Variants in SLC25A21 observed in about 807,000 individuals in gnomAD.
SLC25A21 encodes mitochondrial 2-oxodicarboxylate carrier.
A neutral mutation model predicts 43.8 loss-of-function variants in SLC25A21; 47 were observed. That is an observed-to-expected ratio of 1.07 (90% CI 0.85 to 1.37). SLC25A21 has a LOEUF of 1.37. Among genes scored for constraint, SLC25A21 ranks in the 40% most tolerant of loss-of-function variants. The pLI is 0.00. For missense variants in SLC25A21, 352 were observed against 350.2 expected, an observed-to-expected ratio of 1.00 and a Z score of -0.04; for synonymous variants, 131 against 121.3, an observed-to-expected ratio of 1.08 and a Z score of -0.52.
At chr14:37,055,612 G>T (rs1961807549) in intron 1 of SLC25A21, among the ~76,000 whole-genome samples, 1 of 152,126 alleles carries the variant, frequency 6.6e-6, no homozygotes, top group African/African-American at 2.4e-5. Context: ...CTACCCCAAG[G>T]TGTCTATGTT....
intron 3 of SLC25A21, among the ~76,000 whole-genome samples, chr14:36,813,469 C>T (rs189240247): frequency 2.0e-3 from 303 of 152,176 alleles, no homozygotes; most frequent in African/African-American, 7.1e-3. Context: ...AAGCAATCCT[C>T]CCACCTAAGC....
intron 1 of SLC25A21, among the ~76,000 whole-genome samples, chr14:37,150,215 C>T (rs566243408): frequency 6.6e-6 from 1 of 152,046 alleles, no homozygotes; most frequent in Non-Finnish European, 1.5e-5. Flanking sequence ...ATAATACATA[C>T]CCTAGCCCTA....
chr14:37,037,409 A>G (rs530188196), intron 1 of SLC25A21, among the ~76,000 whole-genome samples: 2 of 152,222 alleles, frequency 1.3e-5, no homozygotes, highest in African/African-American at 4.8e-5. Flanking sequence ...CATTCTTTCA[A>G]CTTGATTCTG....
chr14:36,813,685 T>G (rs1194714158), intron 3 of SLC25A21, among the ~76,000 whole-genome samples: 1 of 152,238 alleles, frequency 6.6e-6, no homozygotes, highest in African/African-American at 2.4e-5. Flanking sequence ...CCTAGTGGCA[T>G]AAATTAAGAT....
chr14:36,698,977 C>T (rs931440579), intron 7 of SLC25A21, among the ~76,000 whole-genome samples: 1 of 152,120 alleles, frequency 6.6e-6, no homozygotes, highest in African/African-American at 2.4e-5. Flanking sequence ...CAAGGAGCTG[C>T]GATCTTTTGG....
Position 36,977,957 on chromosome 14 carries a change from A to ATT in SLC25A21, c.71-102954_71-102953insAA, listed in dbSNP as rs1566786694. 4.0e-3 allele frequency among the ~76,000 whole-genome samples: 577 copies of ATT among 143,204 alleles called. 6 individuals carry two copies. Among genetic ancestry groups the ATT allele is most frequent in the African/African-American group, 0.013 (524 of 38,888 alleles). 93.9% of individuals were successfully genotyped at this position (143,204 alleles called of 152,430 possible). ...TTACAAAGCTTTTTTTTTTTTTTAA[A>ATT]AAAAAAAAAAGACAATTAGTTTGAA... On this transcript the variant is annotated intron_variant, in intron 1 of 9. Transcript: ENST00000331299.
At chr14:36,773,867 T>C (rs571834641) in intron 3 of SLC25A21, among the ~76,000 whole-genome samples, 2 of 152,212 alleles carry the variant, frequency 1.3e-5, no homozygotes, top group Non-Finnish European at 2.9e-5. Flanking sequence ...CCATTCATAA[T>C]GGTAGGGAAA....
intron 6 of SLC25A21, among the ~76,000 whole-genome samples, chr14:36,711,773 G>C (rs977218970): frequency 1.3e-5 from 2 of 152,146 alleles, no homozygotes; most frequent in Non-Finnish European, 2.9e-5. Flanking sequence ...CAACATGTAA[G>C]TAATTACATC....
intron 1 of SLC25A21, among the ~76,000 whole-genome samples, chr14:36,996,951 G>A (rs1309073178): frequency 6.6e-6 from 1 of 152,154 alleles, no homozygotes; most frequent in Non-Finnish European, 1.5e-5. Context: ...ACTCATTAGT[G>A]TTTGACTTCA....
At chr14:37,030,128 A>C (rs894232610) in intron 1 of SLC25A21, among the ~76,000 whole-genome samples, 4 of 152,174 alleles carry the variant, frequency 2.6e-5, no homozygotes, top group Non-Finnish European at 5.9e-5. Context: ...CACTTTGTAT[A>C]TGTATTATAT....
chr14:36,733,185 A>ATAATAAC (rs1884899972), intron 4 of SLC25A21, among the ~76,000 whole-genome samples: 1 of 152,252 alleles, frequency 6.6e-6, no homozygotes, highest in Admixed American at 6.5e-5. Context: ...AACTCACTGA[A>ATAATAAC]CAGATGAGTA....
At chr14:37,059,920 G>A (rs1238846649) in intron 1 of SLC25A21, among the ~76,000 whole-genome samples, 1 of 152,148 alleles carries the variant, frequency 6.6e-6, no homozygotes, top group Non-Finnish European at 1.5e-5. Context: ...AAACAAAAGT[G>A]TGTTTCACTA....
At chr14:36,738,346 A>G (rs1334199828) in intron 3 of SLC25A21, among the ~76,000 whole-genome samples, 3 of 152,156 alleles carry the variant, frequency 2.0e-5, no homozygotes, top group Non-Finnish European at 4.4e-5. Context: ...ACTGATGTTT[A>G]TATTCACATG....
chr14:36,983,193 T>C (rs962896895), intron 1 of SLC25A21, among the ~76,000 whole-genome samples: 1 of 152,206 alleles, frequency 6.6e-6, no homozygotes, highest in African/African-American at 2.4e-5. Context: ...CTAGATAGCA[T>C]ACACTTACGA....
chr14:36,893,755 T>C (rs1318639551), intron 1 of SLC25A21, among the ~76,000 whole-genome samples: 3 of 152,224 alleles, frequency 2.0e-5, no homozygotes, highest in Non-Finnish European at 4.4e-5. Context: ...TTCAGCTTTC[T>C]ACATATGGCT....
chr14:36,937,165 C>A (rs967068623), intron 1 of SLC25A21, among the ~76,000 whole-genome samples: 2 of 152,232 alleles, frequency 1.3e-5, no homozygotes, highest in South Asian at 4.1e-4. Context: ...CTGTGTCTAA[C>A]TAAGCCGGGC....
chr14:36,888,861 T>C (rs1450156357), intron 1 of SLC25A21, among the ~76,000 whole-genome samples: 1 of 152,180 alleles, frequency 6.6e-6, no homozygotes, highest in Non-Finnish European at 1.5e-5. Flanking sequence ...TAATGCTTTT[T>C]CCCCACTCTA....
At chr14:36,907,413 A>G (rs548183143) in intron 1 of SLC25A21, among the ~76,000 whole-genome samples, 90 of 152,258 alleles carry the variant, frequency 5.9e-4, no homozygotes, top group African/African-American at 1.6e-3. Flanking sequence ...CATGTACAAC[A>G]TATTTTTTGA....
At chr14:37,157,145 C>T (rs140142379) in intron 1 of SLC25A21, among the ~76,000 whole-genome samples, 7,414 of 151,932 alleles carry the variant, frequency 0.049, 605 homozygotes, top group African/African-American at 0.17. Context: ...TTGCTTGGGG[C>T]CAGGAGTTTG....
Sources: gnomAD v4.1 joint callset for allele counts (sites outside exome capture counted in the v4.1 genomes callset) on GRCh38, gnomAD v4.1.1 for gene constraint, MANE v1.5 for transcripts, NCBI Gene and HGNC (gene_info 2026-07-23, HGNC 2026-07-21) for gene names.